RBM6: variants seen among roughly 807,000 people sequenced by gnomAD.
RBM6 encodes RNA binding motif protein 6.
Under a neutral mutation model 140.4 loss-of-function variants are expected in RBM6, and 23 were observed. The observed-to-expected ratio is 0.16, with a 90% CI of 0.12 to 0.23. The LOEUF (loss-of-function observed/expected upper bound fraction) is 0.23. Ranked by LOEUF, RBM6 falls within the 10% of genes least tolerant of loss-of-function variation. RBM6 has a pLI of 1.00. For missense variants in RBM6, 1,139 were observed against 1,386.7 expected (o/e 0.82, Z 2.84); for synonymous variants, 439 against 475.6 (o/e 0.92, Z 1.00).
intron 20 of RBM6, among the ~76,000 whole-genome samples, chr3:50,075,710 T>G (rs770570523): frequency 4.6e-5 from 7 of 152,090 alleles, no homozygotes; most frequent in Non-Finnish European, 1.0e-4. Context: ...TGGCTAAAAT[T>G]TAAGGAGCAT....
intron 15 of RBM6, among the ~76,000 whole-genome samples, chr3:50,063,265 C>T (rs985668056): frequency 6.6e-6 from 1 of 152,110 alleles, no homozygotes. Flanking sequence ...CTCCCTATGA[C>T]ACATTTTCAG....
Position 50,005,495 on chromosome 3 carries a change from CA to C in RBM6, c.1557+5998del, listed in dbSNP as rs35202304. ...CCTGGGCGACAGAGAGATCCTGCCT[CA>C]AAAAAAAAAAAAAAAGCAACAGAGA... On this transcript the variant is annotated intron_variant, in intron 6 of 20. Transcript: ENST00000266022. Among the ~76,000 whole-genome samples the C allele has an allele frequency of 2.8e-3, 283 of 101,338 alleles. 1 individual carries two copies. The highest frequency in any genetic ancestry group is 2.8e-3 in the Admixed American group (27 of 9,686). 66.5% of individuals were successfully genotyped at this position (101,338 alleles called of 152,430 possible). A position where few individuals can be genotyped will look rare whatever the true frequency, so the allele number is the denominator to read the frequency against.
At chr3:49,965,041 T>C (rs1339799849) in intron 2 of RBM6, among the ~76,000 whole-genome samples, 1 of 152,212 alleles carries the variant, frequency 6.6e-6, no homozygotes, top group Non-Finnish European at 1.5e-5. Flanking sequence ...AAAATTTGTT[T>C]TTATTTGGTT....
intron 1 of RBM6, among the ~76,000 whole-genome samples, chr3:49,952,894 C>G (rs1348706120): frequency 6.6e-6 from 1 of 152,168 alleles, no homozygotes; most frequent in Non-Finnish European, 1.5e-5. Flanking sequence ...TTCTCCCATT[C>G]TGTGGGATGT....
At chr3:49,987,639 C>CT (rs1271347573) in intron 5 of RBM6, among the ~76,000 whole-genome samples, 2 of 151,334 alleles carry the variant, frequency 1.3e-5, no homozygotes, top group African/African-American at 2.4e-5. Flanking sequence ...TTCTTTCTTT[C>CT]TTTTTTCTTT....
At chr3:50,018,316 A>G (rs1007408214) in intron 6 of RBM6, among the ~76,000 whole-genome samples, 5 of 152,072 alleles carry the variant, frequency 3.3e-5, no homozygotes, top group African/African-American at 9.7e-5. Flanking sequence ...TTAGTAGTAC[A>G]TTTCTCTATG....
At chr3:50,013,696 T>A (rs1467637607) in intron 6 of RBM6, among the ~76,000 whole-genome samples, 1 of 152,150 alleles carries the variant, frequency 6.6e-6, no homozygotes, top group East Asian at 1.9e-4. Flanking sequence ...ACAGCGGGCA[T>A]TTGGATGCCT....
chr3:50,004,151 G>A lies in RBM6; in HGVS notation c.1557+4638G>A, dbSNP rs150401442. On this transcript the variant is annotated intron_variant, in intron 6 of 20. Transcript: ENST00000266022. ...ATGTTCTCAAGTATGCTGGTGTGAT[G>A]CTTATTGTCTATTATTTGGCCAAAT... 7.9e-5 allele frequency among the ~76,000 whole-genome samples: 12 copies of A among 152,224 alleles called. No individual in the cohort carries two copies. The East Asian group carries it at 2.3e-3, about 29-fold the overall frequency.
At chr3:49,958,491 G>A (rs1265655334) in intron 1 of RBM6, among the ~76,000 whole-genome samples, 4 of 152,118 alleles carry the variant, frequency 2.6e-5, no homozygotes, top group African/African-American at 4.8e-5. Flanking sequence ...CAGGAGAATG[G>A]CGTCAACCCA....
At chr3:49,953,099 A>G (rs1446195696) in intron 1 of RBM6, among the ~76,000 whole-genome samples, 1 of 151,862 alleles carries the variant, frequency 6.6e-6, no homozygotes, top group Admixed American at 6.6e-5. Flanking sequence ...TCTGTTGCCC[A>G]GGCTGGAGTG....
intron 4 of RBM6, among the ~76,000 whole-genome samples, chr3:49,972,897 C>T (rs2084867344): frequency 6.6e-6 from 1 of 151,022 alleles, no homozygotes; most frequent in African/African-American, 2.4e-5. Context: ...GTGGCGCGAC[C>T]TTGGTGCACT....
At chr3:50,006,139 T>G (rs955180314) in intron 6 of RBM6, among the ~76,000 whole-genome samples, 1 of 150,124 alleles carries the variant, frequency 6.7e-6, no homozygotes, top group Non-Finnish European at 1.5e-5. Context: ...ATCCACTGAT[T>G]GAGACTTTTT....
chr3:50,066,955 C>T (rs907920976), intron 17 of RBM6, among the ~76,000 whole-genome samples: 1 of 152,030 alleles, frequency 6.6e-6, no homozygotes, highest in Non-Finnish European at 1.5e-5. Flanking sequence ...GAGGCCAAGG[C>T]ACCTAGGTAG....
Position 49,968,076 on chromosome 3 carries a change from T to C in RBM6, c.651T>C (p.Asn217=), listed in dbSNP as rs202012031. Residue 217 remains asparagine (N), a synonymous_variant, in exon 3 of 21, where the codon AAT becomes AAC. Transcript: ENST00000266022. ...AREQSRSDFR[N]RDVSDLDFRD... is the part of the protein sequence containing the mutation. Reference sequence around the variant, plus strand: ...AACAGTCCCGTTCTGATTTTAGGAATAGAGATGTATCTGATTTGGACTTTA... The same window carrying C: ...AACAGTCCCGTTCTGATTTTAGGAACAGAGATGTATCTGATTTGGACTTTA... The C allele has an allele frequency of 4.2e-5, 68 of 1,614,144 alleles. No individual in the cohort carries two copies. In the East Asian group the frequency reaches 9.8e-4, roughly 23 times the overall value.
chr3:50,058,962 C>A (rs1310103938), intron 10 of RBM6: 2 of 161,702 alleles, frequency 1.2e-5, no homozygotes, highest in African/African-American at 4.8e-5. Context: ...CATTTGAATT[C>A]TTGTGTGCTA....
intron 6 of RBM6, among the ~76,000 whole-genome samples, chr3:50,030,570 A>G (rs2088099092): frequency 6.6e-6 from 1 of 152,144 alleles, no homozygotes; most frequent in Non-Finnish European, 1.5e-5. Flanking sequence ...AGTAATTTTC[A>G]AAAGCGTCTG....
intron 15 of RBM6, among the ~76,000 whole-genome samples, chr3:50,063,805 G>A (rs2090026546): frequency 6.6e-6 from 1 of 151,878 alleles, no homozygotes; most frequent in Non-Finnish European, 1.5e-5. Flanking sequence ...GGAGGCTGAG[G>A]CAGGAGAATC....
At chr3:50,044,581 CAAA>C (rs374050158) in intron 6 of RBM6, among the ~76,000 whole-genome samples, 2 of 105,708 alleles carry the variant, frequency 1.9e-5, no homozygotes. Context: ...GACTCCGTCT[CAAA>C]AAAAAAAAAA....
At chr3:49,945,462 GC>G (rs1233890265) in intron 1 of RBM6, among the ~76,000 whole-genome samples, 1 of 152,050 alleles carries the variant, frequency 6.6e-6, no homozygotes, top group Non-Finnish European at 1.5e-5. Flanking sequence ...CATTCTGTTA[GC>G]AGTGTACAAA....
Sources: allele counts gnomAD v4.1 joint callset (sites outside exome capture counted in the v4.1 genomes callset), GRCh38; gene constraint gnomAD v4.1.1; transcripts MANE v1.5; gene names NCBI Gene and HGNC (gene_info 2026-07-23, HGNC 2026-07-21).